Variants in CA10 observed in about 807,000 individuals in gnomAD.
The protein encoded by CA10 is carbonic anhydrase 10 (inactive), also known as carbonic anhydrase-related protein 10.
Under a neutral mutation model 44.2 loss-of-function variants are expected in CA10, and 14 were observed. The observed-to-expected ratio is 0.32, with a 90% CI of 0.21 to 0.50. The LOEUF is 0.50. CA10 is among the 20% of genes least tolerant of loss of function. The pLI is 0.99. For synonymous variants in CA10, 159 were observed against 141.6 expected (o/e 1.12, Z -0.87); for missense variants, 350 against 409.7 (o/e 0.85, Z 1.26).
At chr17:52,016,625 C>A (rs1417529600) in intron 2 of CA10, among the ~76,000 whole-genome samples, 1 of 151,978 alleles carries the variant, frequency 6.6e-6, no homozygotes, top group Non-Finnish European at 1.5e-5. Flanking sequence ...GTTTAAAAGA[C>A]CCTGGGGCCA....
intron 4 of CA10, among the ~76,000 whole-genome samples, chr17:51,713,347 G>A (rs1916002586): frequency 6.6e-6 from 1 of 152,214 alleles, no homozygotes; most frequent in Non-Finnish European, 1.5e-5. Context: ...GGGCATAGAT[G>A]TTTAATAGGC....
At chr17:52,071,724 G>T (rs910329236) in intron 2 of CA10, among the ~76,000 whole-genome samples, 3 of 152,116 alleles carry the variant, frequency 2.0e-5, no homozygotes, top group African/African-American at 7.2e-5. Flanking sequence ...AGCAGCAAAA[G>T]CAAGAGGACC....
At chr17:51,897,159 A>G (rs1981107271) in intron 3 of CA10, among the ~76,000 whole-genome samples, 1 of 152,002 alleles carries the variant, frequency 6.6e-6, no homozygotes, top group Non-Finnish European at 1.5e-5. Context: ...CTATGTCCAG[A>G]ATGGTATTTT....
At chr17:52,089,388 G>A (rs1157766304) in intron 1 of CA10, among the ~76,000 whole-genome samples, 1 of 152,124 alleles carries the variant, frequency 6.6e-6, no homozygotes, top group Admixed American at 6.5e-5. Flanking sequence ...GCAGCCAAAA[G>A]TTAGCCAAGA....
chr17:51,799,147 A>G (rs150282693), intron 3 of CA10, among the ~76,000 whole-genome samples: 10 of 152,332 alleles, frequency 6.6e-5, no homozygotes, highest in African/African-American at 9.6e-5. Flanking sequence ...GCTTTCCCCA[A>G]TTCAATATGG....
chr17:51,680,746 A>G (rs1326258714), intron 4 of CA10, among the ~76,000 whole-genome samples: 1 of 152,298 alleles, frequency 6.6e-6, no homozygotes, highest in East Asian at 1.9e-4. Context: ...AGCACCCTCA[A>G]TAACATGCTC....
intron 1 of CA10, among the ~76,000 whole-genome samples, chr17:52,125,946 T>G (rs921596034): frequency 6.6e-6 from 1 of 152,186 alleles, no homozygotes; most frequent in Admixed American, 6.5e-5. Flanking sequence ...ACTCATTCAT[T>G]CATTCTTTCA....
chr17:51,698,107 C>T (rs759557878), intron 4 of CA10, among the ~76,000 whole-genome samples: 2 of 152,238 alleles, frequency 1.3e-5, no homozygotes. Context: ...TGCTTTCCTG[C>T]CTCCCTGCTG....
chr17:51,978,336 A>G (rs1342637511), intron 2 of CA10, among the ~76,000 whole-genome samples: 1 of 151,920 alleles, frequency 6.6e-6, no homozygotes, highest in Non-Finnish European at 1.5e-5. Flanking sequence ...TTAAGAGCCC[A>G]GAAATAGATC....
In CA10 at chr17:52,069,870, T is replaced by C. The variant is rs1490722518; in HGVS notation, c.136+2449A>G. ...CTTCAGTGAGGAACTTATGGGACGA[T>C]AAAACTAGTTCAGTCATATCAAGTT... On this transcript the variant is annotated intron_variant, in intron 2 of 8. Transcript: ENST00000451037. Among the ~76,000 whole-genome samples, 3 of 152,310 alleles carry C rather than the reference T, an allele frequency of 2.0e-5. No homozygotes were observed. The East Asian group carries it at 5.8e-4, about 29-fold the overall frequency.
At chr17:51,930,567 GTC>G (rs35797091) in intron 3 of CA10, among the ~76,000 whole-genome samples, 81,744 of 151,704 alleles carry the variant, frequency 0.54, 22,514 homozygotes, top group African/African-American at 0.58. Flanking sequence ...GGTGATTTTT[GTC>G]TGTTTTTTTC....
chr17:52,123,001 T>C (rs1010677830), intron 1 of CA10, among the ~76,000 whole-genome samples: 6 of 152,314 alleles, frequency 3.9e-5, no homozygotes, highest in Non-Finnish European at 8.8e-5. Flanking sequence ...ATAAATTCTG[T>C]CCACCATTTA....
intron 2 of CA10, among the ~76,000 whole-genome samples, chr17:52,064,615 G>T (rs994642102): frequency 8.6e-5 from 13 of 152,046 alleles, no homozygotes; most frequent in African/African-American, 3.1e-4. Context: ...AGACATCAGT[G>T]GTAACTTGTA....
chr17:51,871,605 G>A (rs942776687), intron 3 of CA10, among the ~76,000 whole-genome samples: 4 of 150,482 alleles, frequency 2.7e-5, no homozygotes, highest in Non-Finnish European at 5.9e-5. Flanking sequence ...GCCTGGTCTT[G>A]AACTCCTGAC....
intron 2 of CA10, among the ~76,000 whole-genome samples, chr17:52,032,752 A>C (rs1986505547): frequency 6.6e-6 from 1 of 152,198 alleles, no homozygotes; most frequent in Non-Finnish European, 1.5e-5. Flanking sequence ...CGTTGAAAAT[A>C]TCACTGGTCT....
At chr17:52,087,817 T>C (rs1292682157) in intron 1 of CA10, among the ~76,000 whole-genome samples, 1 of 152,178 alleles carries the variant, frequency 6.6e-6, no homozygotes, top group Non-Finnish European at 1.5e-5. Flanking sequence ...CCCCCCTTAT[T>C]TATCAGATGG....
intron 3 of CA10, among the ~76,000 whole-genome samples, chr17:51,847,777 C>T (rs1978562397): frequency 6.6e-6 from 1 of 152,114 alleles, no homozygotes. Flanking sequence ...CTAGACAGCA[C>T]CCCTTGGGGA....
chr17:51,988,584 G>A (rs1043166174), intron 2 of CA10, among the ~76,000 whole-genome samples: 8 of 151,832 alleles, frequency 5.3e-5, no homozygotes, highest in African/African-American at 1.9e-4. Context: ...ATGCAACACT[G>A]TTGTAATAAG....
In CA10 at chr17:51,717,553, ATATATAT is replaced by A. The variant is rs1916155118; in HGVS notation, c.465+30073_465+30079del. ...GGTATATATATATATATATATATATATATATATAATATTACATAAATATATAAAAATA... is the reference window on the plus strand; with the variant it reads ...GGTATATATATATATATATATATATAAATATTACATAAATATATAAAAATA... On this transcript the variant is annotated intron_variant, in intron 4 of 8. Transcript: ENST00000451037. 4.6e-5 allele frequency among the ~76,000 whole-genome samples: 4 copies of A among 87,772 alleles called. 1 individual carries two copies. Among genetic ancestry groups the A allele is most frequent in the Non-Finnish European group, 1.0e-4 (4 of 38,280 alleles). 57.6% of individuals were successfully genotyped at this position (87,772 alleles called of 152,430 possible).
Sources: allele counts gnomAD v4.1 joint callset (sites outside exome capture counted in the v4.1 genomes callset), GRCh38; gene constraint gnomAD v4.1.1; transcripts MANE v1.5; gene names NCBI Gene and HGNC (gene_info 2026-07-23, HGNC 2026-07-21).